TENM1: variants seen among roughly 807,000 people sequenced by gnomAD.
The protein encoded by TENM1 is teneurin transmembrane protein 1, also known as teneurin-1.
In TENM1, 35 loss-of-function variants were observed where a neutral mutation model predicts 174.8. The observed-to-expected ratio is 0.20, with a 90% confidence interval of 0.15 to 0.27. TENM1 has a LOEUF of 0.27. Ranked by LOEUF, TENM1 falls within the 10% of genes least tolerant of loss-of-function variation. TENM1 has a pLI of 1.00. For missense variants in TENM1, 1,633 were observed against 2,130.1 expected (o/e 0.77, Z 4.59); for synonymous variants, 781 against 798.7 (o/e 0.98, Z 0.37).
At chrX:124,763,286 T>C (rs1459737978) in intron 3 of TENM1, among the ~76,000 whole-genome samples, 2 of 111,094 alleles carry the variant, frequency 1.8e-5, no homozygotes, top group African/African-American at 6.5e-5. Context: ...TACGAGGGAA[T>C]GGCAGAGCAG....
chrX:124,500,984 T>C (rs2047316032), intron 19 of TENM1, among the ~76,000 whole-genome samples: 1 of 111,519 alleles, frequency 9.0e-6, no homozygotes, highest in Admixed American at 9.5e-5. Flanking sequence ...GGCAAACTAC[T>C]GGCCTATTTT....
At chrX:124,507,059 C>T (rs1032995427) in intron 18 of TENM1, among the ~76,000 whole-genome samples, 2 of 110,102 alleles carry the variant, frequency 1.8e-5, no homozygotes, top group African/African-American at 6.6e-5. Flanking sequence ...GTACAGGGCA[C>T]GGATTCAGTC....
chrX:125,103,021 T>C, the TENM1 span, among the ~76,000 whole-genome samples: 1 of 112,165 alleles, frequency 8.9e-6, no homozygotes, highest in African/African-American at 3.2e-5. Flanking sequence ...TGAAAATCAT[T>C]CAAATCTAAA....
the TENM1 span, among the ~76,000 whole-genome samples, chrX:125,094,312 C>T: frequency 9.3e-4 from 104 of 111,871 alleles, 2 homozygotes; most frequent in African/African-American, 3.2e-3. Context: ...GGGTCTACTC[C>T]ACCCAAAGAT....
At chrX:125,158,332 G>A in the TENM1 span, among the ~76,000 whole-genome samples, 4 of 104,125 alleles carry the variant, frequency 3.8e-5, no homozygotes, top group Admixed American at 3.2e-4. Flanking sequence ...GAACCTGGGA[G>A]GTGGAGGTTG....
At chrX:124,582,616 T>C (rs1399745743) in intron 11 of TENM1, among the ~76,000 whole-genome samples, 2 of 111,807 alleles carry the variant, frequency 1.8e-5, no homozygotes, top group Non-Finnish European at 3.8e-5. Flanking sequence ...ACACAGAAGA[T>C]GGGTGATTTC....
At chrX:124,882,191 A>C (rs1380288533) in intron 3 of TENM1, among the ~76,000 whole-genome samples, 1 of 112,343 alleles carries the variant, frequency 8.9e-6, no homozygotes, top group African/African-American at 3.2e-5. Flanking sequence ...ACTGATTTCT[A>C]GTTTAATTCC....
chrX:125,065,683 C>G, the TENM1 span, among the ~76,000 whole-genome samples: 1 of 112,267 alleles, frequency 8.9e-6, no homozygotes, highest in Middle Eastern at 4.6e-3. Context: ...TTTAATTCCA[C>G]TTTCCATAAA....
chrX:125,059,106 T>C, the TENM1 span, among the ~76,000 whole-genome samples: 3 of 110,079 alleles, frequency 2.7e-5, no homozygotes, highest in Non-Finnish European at 5.7e-5. Flanking sequence ...TGGAATTTCA[T>C]TCATTTTTAT....
At chrX:124,637,441 C>T (rs1422507644) in intron 11 of TENM1, among the ~76,000 whole-genome samples, 4 of 111,330 alleles carry the variant, frequency 3.6e-5, no homozygotes, top group African/African-American at 1.3e-4. Flanking sequence ...TCCATCTACA[C>T]TTAAATTCCC....
intron 11 of TENM1, among the ~76,000 whole-genome samples, chrX:124,615,094 A>T (rs2148315331): frequency 8.9e-6 from 1 of 112,343 alleles, no homozygotes; most frequent in African/African-American, 3.2e-5. Flanking sequence ...AGAAGACGGC[A>T]AAGTGTTTTG....
At chrX:124,582,671 CAGACAGTGGGCGCA>C (rs1359677629) in intron 11 of TENM1, among the ~76,000 whole-genome samples, 23 of 111,935 alleles carry the variant, frequency 2.1e-4, no homozygotes, top group Admixed American at 1.7e-3. Context: ...TAGGGAGTGC[CAGACAGTGGGCGCA>C]GGACAGTGGG....
chrX:125,059,331 C>T, the TENM1 span, among the ~76,000 whole-genome samples: 4 of 111,334 alleles, frequency 3.6e-5, no homozygotes, highest in Non-Finnish European at 7.5e-5. Flanking sequence ...AAAAAATAAA[C>T]TTTCTTTTGT....
At chrX:124,452,088 C>G (rs1486948255) in intron 23 of TENM1, among the ~76,000 whole-genome samples, 3 of 112,188 alleles carry the variant, frequency 2.7e-5, no homozygotes, top group Non-Finnish European at 5.6e-5. Context: ...AACAGGCAAC[C>G]TACAAAATGG....
the TENM1 span, among the ~76,000 whole-genome samples, chrX:125,051,425 G>A: frequency 3.7e-4 from 41 of 110,068 alleles, no homozygotes; most frequent in African/African-American, 1.0e-3. Context: ...GAGGCATCAC[G>A]CTACCTGACT....
intron 3 of TENM1, among the ~76,000 whole-genome samples, chrX:124,788,148 G>A (rs907977067): frequency 3.6e-5 from 4 of 111,395 alleles, no homozygotes; most frequent in Non-Finnish European, 5.7e-5. Context: ...CCCACAACAC[G>A]TGGGAATTAT....
At chrX:124,790,902 A>T (rs190534095) in intron 3 of TENM1, among the ~76,000 whole-genome samples, 2 of 111,636 alleles carry the variant, frequency 1.8e-5, no homozygotes, top group Admixed American at 9.6e-5. Context: ...AGAAATAAAA[A>T]AAATAGTAAA....
intron 3 of TENM1, among the ~76,000 whole-genome samples, chrX:124,751,737 C>G (rs762297305): frequency 1.0e-5 from 1 of 99,954 alleles, no homozygotes; most frequent in Admixed American, 1.2e-4. Context: ...TGAGAACATG[C>G]GGTGTTTGGT....
the TENM1 span, among the ~76,000 whole-genome samples, chrX:125,081,278 T>C: frequency 9.0e-6 from 1 of 111,446 alleles, no homozygotes; most frequent in Admixed American, 9.6e-5. Flanking sequence ...TTTTGTCCAA[T>C]AGTTTCAATA....
Sources: gnomAD v4.1 joint callset for allele counts (sites outside exome capture counted in the v4.1 genomes callset) on GRCh38, gnomAD v4.1.1 for gene constraint, MANE v1.5 for transcripts, NCBI Gene and HGNC (gene_info 2026-07-23, HGNC 2026-07-21) for gene names.